The following BRINP2 variants were observed in gnomAD, a reference collection of about 807,000 sequenced individuals.
BRINP2 encodes the protein BMP/retinoic acid inducible neural specific 2.
A neutral mutation model predicts 69.2 loss-of-function variants in BRINP2; 21 were observed. That is an observed-to-expected ratio of 0.30 (90% CI 0.22 to 0.44). The LOEUF (loss-of-function observed/expected upper bound fraction) is 0.44. Among genes scored for constraint, BRINP2 ranks in the 20% least tolerant of loss-of-function variants. The pLI is 1.00. For missense variants in BRINP2, 877 were observed against 986.0 expected, an observed-to-expected ratio of 0.89 and a Z score of 1.48; for synonymous variants, 380 against 394.1, an observed-to-expected ratio of 0.96 and a Z score of 0.42.
chr1:177,266,308 C>G (rs1159523528), intron 4 of BRINP2, among the ~76,000 whole-genome samples: 1 of 152,126 alleles, frequency 6.6e-6, no homozygotes, highest in Non-Finnish European at 1.5e-5. Flanking sequence ...TCTTCACCTT[C>G]CATTCATATT....
chr1:177,187,126 T>C (rs1484415915), intron 1 of BRINP2, among the ~76,000 whole-genome samples: 3 of 152,208 alleles, frequency 2.0e-5, no homozygotes, highest in Non-Finnish European at 4.4e-5. Context: ...TTTCAAAACC[T>C]ATCAAGATCT....
intron 1 of BRINP2, among the ~76,000 whole-genome samples, chr1:177,212,512 T>G (rs1649253570): frequency 6.6e-6 from 1 of 151,320 alleles, no homozygotes; most frequent in Admixed American, 6.6e-5. Flanking sequence ...GCCCCTGCAC[T>G]CCAGCCTGGG....
chr1:177,229,858 C>A lies in BRINP2; in HGVS notation c.-19C>A. ...AGAGCGTGGCGAGAGAATGAAGAAA[C>A]CAATCGCCCGGGAGAAGCATGAGGT... On this transcript the variant is annotated 5_prime_UTR_variant, in exon 2 of 8. Transcript: ENST00000361539. 6.4e-7 allele frequency: 1 copy of A among 1,559,410 alleles called. No individual in the cohort carries two copies. The highest frequency in any genetic ancestry group is 8.7e-7 in the Non-Finnish European group (1 of 1,148,348).
At chr1:177,188,693 T>C (rs1467683603) in intron 1 of BRINP2, among the ~76,000 whole-genome samples, 1 of 152,218 alleles carries the variant, frequency 6.6e-6, no homozygotes. Context: ...GCTTCTGAGG[T>C]ACACGTGTTT....
intron 1 of BRINP2, among the ~76,000 whole-genome samples, chr1:177,220,657 C>T (rs539081229): frequency 8.5e-5 from 13 of 152,266 alleles, no homozygotes; most frequent in East Asian, 3.9e-4. Flanking sequence ...AATGCAATAA[C>T]GGCCTAATGC....
chr1:177,254,111 G>A (rs185962534), intron 2 of BRINP2, among the ~76,000 whole-genome samples: 12 of 152,168 alleles, frequency 7.9e-5, no homozygotes, highest in Admixed American at 7.9e-4. Flanking sequence ...CCTTTAAAAT[G>A]CAAACATTCC....
intron 1 of BRINP2, among the ~76,000 whole-genome samples, chr1:177,197,917 C>T (rs1648792873): frequency 6.6e-6 from 1 of 152,118 alleles, no homozygotes. Flanking sequence ...GGTGTTTCCA[C>T]TTTTTAAAAT....
rs1053003893 is a variant in BRINP2 at position 177,226,985 on chromosome 1, G to A, written c.-76-2816G>A. Among the ~76,000 whole-genome samples, 20 of 152,278 alleles carry A rather than the reference G, an allele frequency of 1.3e-4. 1 individual carries two copies. In the East Asian group the frequency reaches 3.9e-3, roughly 29 times the overall value. The stretch of plus-strand genomic sequence containing the variant: ...AGTTCCACCCCGGGTATTGCTCAAG[G>A]TTATTCAGAAACCTTTGTCCTCACT... On this transcript the variant is annotated intron_variant, in intron 1 of 7. Transcript: ENST00000361539.
At chr1:177,217,703 G>A (rs1649419127) in intron 1 of BRINP2, among the ~76,000 whole-genome samples, 2 of 152,086 alleles carry the variant, frequency 1.3e-5, no homozygotes, top group Admixed American at 6.6e-5. Flanking sequence ...GGGTCATTCT[G>A]GATGAGTAAT....
In BRINP2 at chr1:177,273,554, G is replaced by A; in HGVS notation, c.736G>A (p.Val246Ile). 3 of 1,607,516 alleles carry A rather than the reference G, an allele frequency of 1.9e-6. No individual in the cohort carries two copies. The highest frequency in any genetic ancestry group is 2.5e-6 in the Non-Finnish European group (3 of 1,176,586). ...TGACAATCTGGACTCAGTCAGTTCTGTCTTGGTACAGAGTCCAGAGAACAA... is the reference window on the plus strand; with the variant it reads ...TGACAATCTGGACTCAGTCAGTTCTATCTTGGTACAGAGTCCAGAGAACAA... ...NYDNLDSVSS[V>I]LVQSPENKVQ... The change falls in exon 5 of 8, where the codon GTC becomes ATC. Residue 246 changes from valine (V) to isoleucine (I), a missense_variant. Transcript: ENST00000361539.
At chr1:177,264,302 C>T (rs142732136) in intron 4 of BRINP2, among the ~76,000 whole-genome samples, 43 of 152,182 alleles carry the variant, frequency 2.8e-4, no homozygotes, top group African/African-American at 7.5e-4. Context: ...ACTGATTTAA[C>T]GCATCTCACA....
chr1:177,256,593 T>C, intron 3 of BRINP2: 1 of 985,100 alleles, frequency 1.0e-6, no homozygotes, highest in Non-Finnish European at 1.2e-6. Flanking sequence ...AGAGTGGGGG[T>C]AGGGTGGAGC....
chr1:177,204,330 T>C (rs1649006109), intron 1 of BRINP2, among the ~76,000 whole-genome samples: 1 of 152,066 alleles, frequency 6.6e-6, no homozygotes, highest in South Asian at 2.1e-4. Context: ...GCTCTGTGGC[T>C]AACTGCCTTG....
chr1:177,199,833 A>G (rs926347246), intron 1 of BRINP2, among the ~76,000 whole-genome samples: 1 of 152,212 alleles, frequency 6.6e-6, no homozygotes, highest in Non-Finnish European at 1.5e-5. Context: ...CAAGCAATGC[A>G]TCTGCAGATA....
Position 177,230,075 on chromosome 1 carries a change from C to G in BRINP2, c.199C>G (p.Arg67Gly). ...WLLTDRGPFH[R>G]AQEYADFMER... ...GCTCACAGACCGGGGCCCCTTCCAC[C>G]GCGCTCAGGAGTATGCTGACTTCAT... The change falls in exon 2 of 8, where the codon CGC (arginine) becomes GGC (glycine). Residue 67 changes from arginine (R) to glycine (G), a missense_variant. Arg to Gly is a moderately radical substitution (Grantham distance 125). This residue lies in a region of BRINP2 where 566 missense variants were observed against 625.2 expected (regional missense o/e 0.91). Coordinates refer to ENST00000361539, the MANE Select transcript of BRINP2 (RefSeq NM_021165.4). 1.2e-6 allele frequency: 2 copies of G among 1,613,840 alleles called. No homozygotes were observed. The highest frequency in any genetic ancestry group is 1.1e-5 in the South Asian group (1 of 91,050).
rs753211644 is a variant in BRINP2 at position 177,278,793 on chromosome 1, C to G, written c.1235+8C>G. On this transcript the variant is annotated splice_region_variant and intron_variant, in intron 7 of 7. Transcript: ENST00000361539. The stretch of plus-strand genomic sequence containing the variant: ...CCGCCTGCCCAAGGAGAGGTGAGCA[C>G]CCCCTGGCTGCTACAGCCAGAGCTC... 1.2e-6 allele frequency: 2 copies of G among 1,613,138 alleles called. No individual in the cohort carries two copies. The highest frequency in any genetic ancestry group is 1.1e-5 in the South Asian group (1 of 91,036).
chr1:177,248,486 T>TGTGC (rs1650467280), intron 2 of BRINP2, among the ~76,000 whole-genome samples: 1 of 151,220 alleles, frequency 6.6e-6, no homozygotes, highest in Non-Finnish European at 1.5e-5. Context: ...TGTGTGTGTG[T>TGTGC]GTGCGTGCGT....
chr1:177,247,808 G>A (rs1057020788), intron 2 of BRINP2, among the ~76,000 whole-genome samples: 15 of 152,340 alleles, frequency 9.8e-5, no homozygotes, highest in Admixed American at 2.6e-4. Flanking sequence ...GTGAGCAGGC[G>A]GTGATTGGTT....
chr1:177,183,080 G>C (rs1648309423), intron 1 of BRINP2, among the ~76,000 whole-genome samples: 1 of 149,310 alleles, frequency 6.7e-6, no homozygotes, highest in Non-Finnish European at 1.5e-5. Context: ...CAGCCTCCTA[G>C]GCATGGTTGG....
Sources: gnomAD v4.1 joint callset for allele counts (sites outside exome capture counted in the v4.1 genomes callset) on GRCh38, gnomAD v4.1.1 for gene constraint, gnomAD v4.1.1 regional missense constraint, MANE v1.5 for transcripts, NCBI Gene and HGNC (gene_info 2026-07-23, HGNC 2026-07-21) for gene names.